Variants in FAAH2 observed in about 807,000 individuals in gnomAD.
FAAH2 encodes the protein fatty-acid amide hydrolase 2.
A neutral mutation model predicts 36.9 loss-of-function variants in FAAH2; 60 were observed. That is an observed-to-expected ratio of 1.63 (90% CI 1.32 to 2.02). FAAH2 has a LOEUF of 2.02. FAAH2 is among the 30% of genes most tolerant of loss of function. The pLI, the probability that FAAH2 is intolerant of heterozygous loss-of-function variation, is 0.00. For synonymous variants in FAAH2, 214 were observed against 143.8 expected, an observed-to-expected ratio of 1.49 and a Z score of -3.49; for missense variants, 689 against 397.5, an observed-to-expected ratio of 1.73 and a Z score of -6.23.
chrX:57,181,211 AC>A, the FAAH2 span, among the ~76,000 whole-genome samples: 4 of 110,246 alleles, frequency 3.6e-5, no homozygotes, highest in Non-Finnish European at 7.7e-5. Flanking sequence ...CACCTTGAAA[AC>A]CCAAATATAT....
At chrX:57,482,371 G>A (rs923574021) in intron 10 of FAAH2, among the ~76,000 whole-genome samples, 1 of 111,648 alleles carries the variant, frequency 9.0e-6, no homozygotes, top group Non-Finnish European at 1.9e-5. Flanking sequence ...GAAACTCAGG[G>A]CCCCGGTGGT....
chrX:57,331,666 G>C lies in FAAH2; in HGVS notation c.481G>C (p.Ala161Pro), dbSNP rs747426561. Residue 161 changes from alanine to proline, a missense_variant, in exon 4 of 11, where the codon GCA (alanine) becomes CCA (proline). Coordinates refer to ENST00000374900, the MANE Select transcript of FAAH2 (RefSeq NM_174912.4). ...TGCCAAAACAGATGCCACTGTGGTG[G>C]CATTACTGAAGGGAGCTGGTGCCAT... The part of the protein sequence containing the change: ...AIAKTDATVV[A>P]LLKGAGAIPL... 1 of 1,211,653 alleles carries C rather than the reference G, an allele frequency of 8.3e-7. No individual in the cohort carries two copies. The highest frequency in any genetic ancestry group is 1.1e-6 in the Non-Finnish European group (1 of 895,400).
intron 3 of FAAH2, among the ~76,000 whole-genome samples, chrX:57,314,342 C>T (rs2052776932): frequency 9.0e-6 from 1 of 110,915 alleles, no homozygotes; most frequent in Non-Finnish European, 1.9e-5. Context: ...AGGCAGAAAA[C>T]TAACAAAAGA....
At chrX:57,287,314 A>G (rs1003996200) in intron 1 of FAAH2, among the ~76,000 whole-genome samples, 2 of 110,943 alleles carry the variant, frequency 1.8e-5, no homozygotes, top group African/African-American at 6.6e-5. Flanking sequence ...TTTCAAACTG[A>G]TTCTCAGCTA....
At chrX:57,226,284 T>C in the FAAH2 span, among the ~76,000 whole-genome samples, 1 of 112,236 alleles carries the variant, frequency 8.9e-6, no homozygotes, top group African/African-American at 3.2e-5. Context: ...TTTTGATGTG[T>C]TTCCAGGATG....
chrX:57,448,634 G>A lies in FAAH2; in HGVS notation c.1339G>A (p.Gly447Ser). 1 of 1,211,229 alleles carries A rather than the reference G, an allele frequency of 8.3e-7. No individual in the cohort carries two copies. The highest frequency in any genetic ancestry group is 1.1e-6 in the Non-Finnish European group (1 of 895,189). Residue 447 changes from glycine (G) to serine (S), a missense_variant, in exon 10 of 11, where the codon GGT becomes AGT. Transcript: ENST00000374900. ...KELVDMLGDD[G>S]VFLYPSHPTV... Reference sequence around the variant, plus strand: ...GCTGGTGGATATGCTAGGTGATGATGGTGTGTTCTTATATCCCTCACATCC... The same window carrying A: ...GCTGGTGGATATGCTAGGTGATGATAGTGTGTTCTTATATCCCTCACATCC...
the FAAH2 span, among the ~76,000 whole-genome samples, chrX:57,159,935 T>G: frequency 2.7e-5 from 3 of 111,597 alleles, no homozygotes; most frequent in Non-Finnish European, 5.6e-5. Flanking sequence ...AGGGAATGCT[T>G]CCAGTTTTTG....
chrX:57,326,364 G>A (rs1374083365), intron 3 of FAAH2, among the ~76,000 whole-genome samples: 2 of 114,345 alleles, frequency 1.7e-5, no homozygotes, highest in African/African-American at 6.4e-5. Flanking sequence ...TCCGCTTGGT[G>A]CAGAGCTGAG....
chrX:57,378,844 G>T, intron 6 of FAAH2, 58 bp downstream of exon 6: 1 of 1,132,513 alleles, frequency 8.8e-7, no homozygotes. Flanking sequence ...TTCTCTCTTT[G>T]TTTATTAGTG....
intron 8 of FAAH2, among the ~76,000 whole-genome samples, chrX:57,439,550 T>C: frequency 9.0e-6 from 1 of 111,623 alleles, no homozygotes; most frequent in Non-Finnish European, 1.9e-5. Flanking sequence ...ATTTTGTAGG[T>C]TGCCTGTTCA....
the FAAH2 span, among the ~76,000 whole-genome samples, chrX:57,184,977 A>T: frequency 9.0e-6 from 1 of 111,369 alleles, no homozygotes; most frequent in Non-Finnish European, 1.9e-5. Context: ...AGGTGTATAT[A>T]TTTATGAGCT....
chrX:57,212,954 G>A, the FAAH2 span, among the ~76,000 whole-genome samples: 4 of 111,385 alleles, frequency 3.6e-5, no homozygotes, highest in Non-Finnish European at 5.7e-5. Context: ...ATCTGGTCCA[G>A]GTTTGTTGTT....
intron 10 of FAAH2, among the ~76,000 whole-genome samples, chrX:57,462,619 T>A (rs955426023): frequency 3.6e-5 from 4 of 112,444 alleles, no homozygotes; most frequent in African/African-American, 1.3e-4. Flanking sequence ...CGCTTCATTC[T>A]AAAAACTCTA....
the FAAH2 span, among the ~76,000 whole-genome samples, chrX:57,270,892 G>A: frequency 8.9e-6 from 1 of 112,134 alleles, no homozygotes; most frequent in Non-Finnish European, 1.9e-5. Flanking sequence ...GCACAAAACT[G>A]GGTGGCCAGT....
intron 2 of FAAH2, among the ~76,000 whole-genome samples, chrX:57,306,405 C>A (rs778990228): frequency 9.0e-6 from 1 of 110,723 alleles, no homozygotes; most frequent in East Asian, 2.8e-4. Flanking sequence ...CTTTTACTGG[C>A]TTATGGGTGT....
In FAAH2 at chrX:57,447,009, G is replaced by A; in HGVS notation, c.1198G>A (p.Gly400Ser). 1 of 1,206,009 alleles carries A rather than the reference G, an allele frequency of 8.3e-7. No homozygotes were observed. The highest frequency in any genetic ancestry group is 1.1e-6 in the Non-Finnish European group (1 of 891,825). ...GTGGGAGTTGATCAAATGGTGCCTG[G>A]GTCTGTCAGTGTACACCATCCCTTC... ...PLWELIKWCL[G>S]LSVYTIPSIG... Residue 400 changes from glycine to serine, a missense_variant, in exon 9 of 11, where the codon GGT (glycine) becomes AGT (serine). Physicochemically the swap from Gly to Ser is moderately conservative, Grantham distance 56 (BLOSUM62 0). Coordinates refer to ENST00000374900, the MANE Select transcript of FAAH2 (RefSeq NM_174912.4).
At chrX:57,138,329 T>C in the FAAH2 span, among the ~76,000 whole-genome samples, 2 of 111,199 alleles carry the variant, frequency 1.8e-5, no homozygotes, top group Non-Finnish European at 3.8e-5. Context: ...ACAAACCAAA[T>C]GGGTGTACAA....
upstream of FAAH2, among the ~76,000 whole-genome samples, chrX:57,284,146 T>A (rs2051778757): frequency 8.9e-6 from 1 of 111,950 alleles, no homozygotes; most frequent in African/African-American, 3.2e-5. Flanking sequence ...GCCTGAGAAC[T>A]CAGGCAGGGC....
At chrX:57,261,069 A>G in the FAAH2 span, among the ~76,000 whole-genome samples, 1 of 111,939 alleles carries the variant, frequency 8.9e-6, no homozygotes, top group Non-Finnish European at 1.9e-5. Context: ...GCTTTTGTTT[A>G]TACAAAGACT....
Sources: allele counts gnomAD v4.1 joint callset (sites outside exome capture counted in the v4.1 genomes callset), GRCh38; gene constraint gnomAD v4.1.1; transcripts MANE v1.5; gene names NCBI Gene and HGNC (gene_info 2026-07-23, HGNC 2026-07-21).